The following HEG1 variants were observed in gnomAD, a reference collection of about 807,000 sequenced individuals.
HEG1 encodes the protein protein HEG homolog 1.
Under a neutral mutation model 125.6 loss-of-function variants are expected in HEG1, and 56 were observed. That is an observed-to-expected ratio of 0.45 (90% confidence interval 0.36 to 0.56). The LOEUF (loss-of-function observed/expected upper bound fraction) is 0.56. Among genes scored for constraint, HEG1 ranks in the 20% least tolerant of loss-of-function variants. The probability of loss-of-function intolerance (pLI) is 0.00; values close to 1 mark genes in which losing one functional copy is unlikely to be tolerated. For synonymous variants in HEG1, 644 were observed against 668.5 expected (o/e 0.96, Z 0.57); for missense variants, 1,523 against 1,670.0 (o/e 0.91, Z 1.53).
chr3:124,997,377 G>T (rs1357552520), intron 12 of HEG1, among the ~76,000 whole-genome samples: 1 of 151,962 alleles, frequency 6.6e-6, no homozygotes, highest in Non-Finnish European at 1.5e-5. Flanking sequence ...AAAGCTTTGG[G>T]AATTAAAACA....
intron 3 of HEG1, among the ~76,000 whole-genome samples, chr3:125,021,779 G>C (rs1937338630): frequency 6.6e-6 from 1 of 152,142 alleles, no homozygotes; most frequent in African/African-American, 2.4e-5. Flanking sequence ...TTAAGTAACA[G>C]AATTTCTAAC....
chr3:125,013,650 C>T lies in HEG1; in HGVS notation c.1929G>A (p.Pro643=), dbSNP rs114671759. The change falls in exon 6 of 17, where the codon CCG becomes CCA. Residue 643 remains proline (P), a synonymous_variant. Transcript: ENST00000311127. ...LPSYTPTINM[P]NTSVVLDTDA... ...CAGTGTCCAGAACAACCGAAGTGTTCGGCATATTAATGGTGGGTGTGTAGG... is the reference window on the plus strand; with the variant it reads ...CAGTGTCCAGAACAACCGAAGTGTTTGGCATATTAATGGTGGGTGTGTAGG... The T allele has an allele frequency of 9.8e-4, 1,583 of 1,612,486 alleles. 11 individuals are homozygous for T. In the African/African-American group the frequency reaches 0.016, roughly 17 times the overall value.
chr3:125,001,642 C>A (rs1206576724), intron 11 of HEG1, among the ~76,000 whole-genome samples: 4 of 152,142 alleles, frequency 2.6e-5, no homozygotes, highest in African/African-American at 9.7e-5. Context: ...GGCTTGTGTA[C>A]AGGACTCTGG....
At chr3:124,973,203 G>A (rs983536935) in intron 16 of HEG1, among the ~76,000 whole-genome samples, 6 of 151,700 alleles carry the variant, frequency 4.0e-5, no homozygotes, top group African/African-American at 1.5e-4. Flanking sequence ...TTGTAGAGAG[G>A]AGCACGGTTT....
intron 14 of HEG1, among the ~76,000 whole-genome samples, chr3:124,985,641 G>C (rs1311475948): frequency 6.6e-6 from 1 of 152,194 alleles, no homozygotes; most frequent in Non-Finnish European, 1.5e-5. Flanking sequence ...TATAAACAGA[G>C]AGATATTTTA....
chr3:125,028,646 T>C (rs1341947672), intron 2 of HEG1, among the ~76,000 whole-genome samples: 4 of 152,208 alleles, frequency 2.6e-5, no homozygotes, highest in Admixed American at 2.0e-4. Context: ...AAAAGGAGAA[T>C]AACATGATCT....
intron 7 of HEG1, 61 bp from the exon 8 acceptor site, chr3:125,009,885 A>G: frequency 6.5e-7 from 1 of 1,529,418 alleles, no homozygotes. Context: ...ACCATAACCC[A>G]GTGTAGTAAG....
At position 125,044,940 on chromosome 3, in the gene HEG1, C is replaced by T. The variant is rs572740958; in HGVS notation, c.316+10635G>A. The stretch of plus-strand genomic sequence containing the variant: ...CCAAATGGAATTCAGCGCTCTGATA[C>T]GATTTAGAAGAAAGGGAGGAAGCAA... On this transcript the variant is annotated intron_variant, in intron 1 of 16. Coordinates refer to ENST00000311127, the MANE Select transcript of HEG1 (RefSeq NM_020733.2). 2.8e-4 allele frequency among the ~76,000 whole-genome samples: 42 copies of T among 151,672 alleles called. No individual in the cohort carries two copies. The Middle Eastern group carries it at 0.014, about 49-fold the overall frequency.
At chr3:125,037,812 C>G (rs1024460351) in intron 1 of HEG1, among the ~76,000 whole-genome samples, 49 of 152,190 alleles carry the variant, frequency 3.2e-4, no homozygotes, top group African/African-American at 1.1e-3. Context: ...TGGTTCAAGT[C>G]AGACCATGTA....
In HEG1 at chr3:125,001,194, GCAAA is replaced by G. The variant is rs752621794; in HGVS notation, c.3517+654_3517+657del. 4.6e-5 allele frequency among the ~76,000 whole-genome samples: 7 copies of G among 151,260 alleles called. No individual in the cohort carries two copies. The South Asian group carries it at 1.3e-3, about 27-fold the overall frequency. On this transcript the variant is annotated intron_variant, in intron 11 of 16. Coordinates refer to ENST00000311127, the MANE Select transcript of HEG1 (RefSeq NM_020733.2). ...TTTTGTTTCTGTGCATTTATAATGT[GCAAA>G]CAAACAAACACAAAGGATGGGTAAT...
chr3:125,043,050 G>A lies in HEG1; in HGVS notation c.316+12525C>T, dbSNP rs1169070279. Among the ~76,000 whole-genome samples, 3 of 152,240 alleles carry A rather than the reference G, an allele frequency of 2.0e-5. No homozygotes were observed. In the South Asian group the frequency reaches 6.2e-4, roughly 31 times the overall value. The stretch of plus-strand genomic sequence containing the variant: ...TTCCTTCCTTGTTCTTGCTCTGAAA[G>A]AAGCAGCCCTAAGAAAAATCAAGCA... On this transcript the variant is annotated intron_variant, in intron 1 of 16. Transcript: ENST00000311127.
intron 16 of HEG1, 70 bp from the exon 17 acceptor site, chr3:124,970,871 C>A: frequency 1.5e-6 from 2 of 1,317,046 alleles, no homozygotes; most frequent in Non-Finnish European, 1.1e-6. Flanking sequence ...TGTTAAATCC[C>A]AATGATTTTA....
intron 9 of HEG1, among the ~76,000 whole-genome samples, chr3:125,003,363 T>C (rs1396064576): frequency 6.6e-6 from 1 of 152,226 alleles, no homozygotes. Context: ...TCTAAATCCC[T>C]GTATTATCTT....
intron 15 of HEG1, among the ~76,000 whole-genome samples, chr3:124,976,797 C>G (rs1399782701): frequency 2.0e-5 from 3 of 152,170 alleles, no homozygotes; most frequent in South Asian, 2.1e-4. Context: ...CCTAGCCCCC[C>G]ACCTCTTGCT....
chr3:124,983,778 A>ACAGTGCCC (rs1936692722), intron 14 of HEG1, among the ~76,000 whole-genome samples: 1 of 152,138 alleles, frequency 6.6e-6, no homozygotes, highest in East Asian at 1.9e-4. Context: ...CTCCACTGTG[A>ACAGTGCCC]CAGTGCCCCA....
At chr3:125,026,460 T>C (rs147593865) in intron 3 of HEG1, among the ~76,000 whole-genome samples, 1 of 152,166 alleles carries the variant, frequency 6.6e-6, no homozygotes, top group East Asian at 1.9e-4. Flanking sequence ...TGATGAATAG[T>C]AATTGGAACA....
chr3:125,046,372 T>C lies in HEG1; in HGVS notation c.316+9203A>G, dbSNP rs866486687. On this transcript the variant is annotated intron_variant, in intron 1 of 16. Transcript: ENST00000311127. ...TGCTACTTTTCTTTTTTCATATATA[T>C]GTATATGTATATATATATATACACA... Among the ~76,000 whole-genome samples, 25 of 143,454 alleles carry C rather than the reference T, an allele frequency of 1.7e-4. No individual in the cohort carries two copies. In the South Asian group the frequency reaches 2.7e-3, roughly 15 times the overall value. The allele number at this position is 143,454 out of a possible 152,430, so 94.1% of individuals were successfully genotyped here. A position where few individuals can be genotyped will look rare whatever the true frequency, so the allele number is the denominator to read the frequency against.
intron 1 of HEG1, among the ~76,000 whole-genome samples, chr3:125,032,974 A>C (rs1937514598): frequency 6.6e-6 from 1 of 152,112 alleles, no homozygotes; most frequent in Non-Finnish European, 1.5e-5. Flanking sequence ...GGGGAAAAGA[A>C]TGGCCACATG....
chr3:125,050,815 T>C (rs976371413), intron 1 of HEG1, among the ~76,000 whole-genome samples: 1 of 152,092 alleles, frequency 6.6e-6, no homozygotes. Flanking sequence ...GTGACACAAA[T>C]AGAGGCATCT....
Sources: allele counts gnomAD v4.1 joint callset (sites outside exome capture counted in the v4.1 genomes callset), GRCh38; gene constraint gnomAD v4.1.1; transcripts MANE v1.5; gene names NCBI Gene and HGNC (gene_info 2026-07-23, HGNC 2026-07-21).